Variants in SUMF1 observed in about 807,000 individuals in gnomAD.
The protein encoded by SUMF1 is formylglycine-generating enzyme.
A neutral mutation model predicts 47.6 loss-of-function variants in SUMF1; 48 were observed. That is an observed-to-expected ratio of 1.01 (90% CI 0.80 to 1.28). The LOEUF is 1.28. Among genes scored for constraint, SUMF1 ranks in the 50% most tolerant of loss-of-function variants. The probability of loss-of-function intolerance (pLI) is 0.00; values close to 1 mark genes in which losing one functional copy is unlikely to be tolerated. For synonymous variants in SUMF1, 230 were observed against 192.1 expected, an observed-to-expected ratio of 1.20 and a Z score of -1.63; for missense variants, 571 against 485.4, an observed-to-expected ratio of 1.18 and a Z score of -1.66.
chr3:4,369,294 T>C (rs1282745368), intron 8 of SUMF1, among the ~76,000 whole-genome samples: 3 of 152,170 alleles, frequency 2.0e-5, no homozygotes, highest in African/African-American at 7.2e-5. Context: ...ATTTAAAGTG[T>C]GCTTGAAATA....
intron 8 of SUMF1, among the ~76,000 whole-genome samples, chr3:4,229,899 GC>G (rs1696260842): frequency 6.6e-6 from 1 of 151,950 alleles, no homozygotes; most frequent in Admixed American, 6.6e-5. Context: ...TAGAGTTCCA[GC>G]TACTCTGGAG....
chr3:4,161,212 C>A lies in SUMF1; in HGVS notation c.1015-92467G>T, dbSNP rs535592365. On this transcript the variant is annotated intron_variant and NMD_transcript_variant, in intron 8 of 12. Transcript: ENST00000448413. ...TCTCTTTGTGCTGTGCTGCCTGGAG[C>A]TAGGGGAGGGTGACACAAGCACCCC... Among the ~76,000 whole-genome samples the A allele has an allele frequency of 9.1e-4, 138 of 152,240 alleles. 4 individuals are homozygous for A. The highest frequency in any genetic ancestry group is 6.4e-3 in the South Asian group (31 of 4,818).
chr3:4,198,047 GGAAA>G (rs202148001), intron 8 of SUMF1, among the ~76,000 whole-genome samples: 2,191 of 89,554 alleles, frequency 0.024, 32 homozygotes, highest in Non-Finnish European at 0.04. Context: ...TTTTTTTTTC[GGAAA>G]GAGAGATTCT....
intron 8 of SUMF1, among the ~76,000 whole-genome samples, chr3:4,278,467 G>C (rs1697462515): frequency 6.6e-6 from 1 of 152,062 alleles, no homozygotes; most frequent in Admixed American, 6.6e-5. Context: ...GATGAATTTT[G>C]AAAATACAGG....
chr3:4,328,402 T>C (rs570849498), intron 8 of SUMF1, among the ~76,000 whole-genome samples: 1 of 152,204 alleles, frequency 6.6e-6, no homozygotes, highest in East Asian at 1.9e-4. Flanking sequence ...AAATAATTTA[T>C]AAAGAAAAAG....
chr3:4,368,585 C>T (rs1009810119), intron 8 of SUMF1, among the ~76,000 whole-genome samples: 10 of 152,128 alleles, frequency 6.6e-5, no homozygotes, highest in African/African-American at 2.4e-4. Flanking sequence ...TTGGAACCAA[C>T]CCAAATGTCC....
chr3:4,456,604 A>T (rs2079607834), intron 1 of SUMF1, among the ~76,000 whole-genome samples: 1 of 146,582 alleles, frequency 6.8e-6, no homozygotes, highest in Non-Finnish European at 1.5e-5. Flanking sequence ...GGCACCCGCC[A>T]CCACACCAGG....
chr3:4,427,123 C>A (rs901815605), intron 3 of SUMF1, among the ~76,000 whole-genome samples: 1 of 152,220 alleles, frequency 6.6e-6, no homozygotes, highest in East Asian at 1.9e-4. Flanking sequence ...TATACACACA[C>A]AGCCCAGAAT....
intron 9 of SUMF1, among the ~76,000 whole-genome samples, chr3:4,053,649 C>T (rs974629365): frequency 4.6e-5 from 7 of 152,080 alleles, no homozygotes; most frequent in African/African-American, 9.7e-5. Flanking sequence ...CACTGCCCTC[C>T]GAACTGTGAC....
intron 8 of SUMF1, among the ~76,000 whole-genome samples, chr3:4,324,179 T>A (rs758061724): frequency 7.2e-5 from 11 of 152,162 alleles, no homozygotes; most frequent in Non-Finnish European, 1.6e-4. Context: ...TGTTTTCAAC[T>A]CTGTCTCAGC....
chr3:4,241,849 G>A (rs936170802), intron 8 of SUMF1, among the ~76,000 whole-genome samples: 3 of 152,138 alleles, frequency 2.0e-5, no homozygotes, highest in African/African-American at 4.8e-5. Context: ...ACAGGCTTGA[G>A]GAGGCAGTGT....
intron 9 of SUMF1, among the ~76,000 whole-genome samples, chr3:4,051,137 A>T (rs933494588): frequency 1.3e-5 from 2 of 152,036 alleles, no homozygotes; most frequent in African/African-American, 4.8e-5. Flanking sequence ...AAGAAAAAAA[A>T]AAAGGGTGGG....
At chr3:4,270,839 C>T (rs1697288468) in intron 8 of SUMF1, among the ~76,000 whole-genome samples, 1 of 151,962 alleles carries the variant, frequency 6.6e-6, no homozygotes, top group Admixed American at 6.6e-5. Context: ...TAGGAACTTC[C>T]CTAAAGGGCT....
intron 8 of SUMF1, chr3:4,303,250 A>C: frequency 8.9e-7 from 1 of 1,121,016 alleles, no homozygotes; most frequent in Non-Finnish European, 1.2e-6. Flanking sequence ...CTTCCAGGCC[A>C]CTCCTGAGAA....
At chr3:4,378,996 G>A (rs1218969937) in intron 7 of SUMF1, among the ~76,000 whole-genome samples, 1 of 152,196 alleles carries the variant, frequency 6.6e-6, no homozygotes, top group African/African-American at 2.4e-5. Flanking sequence ...TCACAGTGAC[G>A]CAAGTAGTAA....
At chr3:4,054,730 G>C (rs1695163110) in intron 9 of SUMF1, among the ~76,000 whole-genome samples, 1 of 152,084 alleles carries the variant, frequency 6.6e-6, no homozygotes. Context: ...CAGAATCCCA[G>C]AGAAACTGAT....
chr3:4,417,562 A>G (rs941024406), intron 5 of SUMF1, among the ~76,000 whole-genome samples: 16 of 152,216 alleles, frequency 1.1e-4, no homozygotes, highest in Non-Finnish European at 1.5e-4. Context: ...GTGATCAGGC[A>G]CCACCACACC....
intron 8 of SUMF1, among the ~76,000 whole-genome samples, chr3:4,132,337 A>G (rs1291980046): frequency 1.3e-5 from 2 of 152,032 alleles, no homozygotes; most frequent in East Asian, 3.9e-4. Flanking sequence ...CATGTTCCCC[A>G]TCATTCTGAA....
intron 7 of SUMF1, among the ~76,000 whole-genome samples, chr3:4,402,864 T>TA (rs963855181): frequency 4.6e-5 from 7 of 151,960 alleles, no homozygotes; most frequent in African/African-American, 7.3e-5. Context: ...AATAGCTACA[T>TA]AAAAAAAATC....
Sources: allele counts gnomAD v4.1 joint callset (sites outside exome capture counted in the v4.1 genomes callset), GRCh38; gene constraint gnomAD v4.1.1; transcripts MANE v1.5; gene names NCBI Gene and HGNC (gene_info 2026-07-23, HGNC 2026-07-21).